CCSER1: variants seen among roughly 807,000 people sequenced by gnomAD.
CCSER1 encodes coiled-coil serine rich protein 1.
A neutral mutation model predicts 82.0 loss-of-function variants in CCSER1; 41 were observed. The ratio of observed to expected loss-of-function variants is 0.50; its 90% CI spans 0.39 to 0.65. The LOEUF is 0.65. Ranked by LOEUF, CCSER1 falls within the 30% of genes least tolerant of loss-of-function variation. The pLI is 0.00. For synonymous variants in CCSER1, 414 were observed against 383.9 expected (o/e 1.08, Z -0.92); for missense variants, 1,119 against 1,064.2 (o/e 1.05, Z -0.72).
At chr4:91,155,543 A>G (rs549598741) in intron 10 of CCSER1, among the ~76,000 whole-genome samples, 1 of 152,112 alleles carries the variant, frequency 6.6e-6, no homozygotes, top group South Asian at 2.1e-4. Context: ...GAAATAAAAT[A>G]CAATTTGGGA....
chr4:90,730,372 G>A (rs1744478796), intron 7 of CCSER1, among the ~76,000 whole-genome samples: 1 of 151,926 alleles, frequency 6.6e-6, no homozygotes, highest in Admixed American at 6.6e-5. Flanking sequence ...AGCCCATTAT[G>A]GTATATTTCT....
At chr4:90,846,055 T>G (rs1031484734) in intron 8 of CCSER1, among the ~76,000 whole-genome samples, 1 of 152,200 alleles carries the variant, frequency 6.6e-6, no homozygotes, top group Non-Finnish European at 1.5e-5. Context: ...AACACTGGAT[T>G]TATTCTATAA....
intron 8 of CCSER1, among the ~76,000 whole-genome samples, chr4:90,873,928 T>C (rs1359197113): frequency 1.3e-5 from 2 of 152,116 alleles, no homozygotes; most frequent in Non-Finnish European, 2.9e-5. Flanking sequence ...TTAATAACTG[T>C]CTTTAATTTT....
At chr4:90,545,942 A>C (rs569074095) in intron 5 of CCSER1, among the ~76,000 whole-genome samples, 5 of 152,260 alleles carry the variant, frequency 3.3e-5, no homozygotes, top group African/African-American at 1.2e-4. Context: ...CTGCAGCAAA[A>C]TTTAGACAGA....
chr4:90,238,239 T>C (rs935711577), intron 1 of CCSER1, among the ~76,000 whole-genome samples: 17 of 152,074 alleles, frequency 1.1e-4, no homozygotes, highest in African/African-American at 3.9e-4. Flanking sequence ...GAGGTAGGGG[T>C]ATGGTGATGT....
chr4:91,309,190 T>C (rs1745275438), intron 10 of CCSER1, among the ~76,000 whole-genome samples: 2 of 152,204 alleles, frequency 1.3e-5, no homozygotes, highest in Admixed American at 6.6e-5. Flanking sequence ...ATTCTAATTT[T>C]ACAACCACCT....
chr4:91,500,147 C>A (rs1474127244), intron 10 of CCSER1, among the ~76,000 whole-genome samples: 2 of 151,844 alleles, frequency 1.3e-5, no homozygotes, highest in African/African-American at 4.8e-5. Context: ...GTGTTGTAGG[C>A]GTTTTGGATT....
intron 1 of CCSER1, among the ~76,000 whole-genome samples, chr4:90,221,988 C>T (rs1021219238): frequency 1.3e-5 from 2 of 152,106 alleles, no homozygotes; most frequent in Non-Finnish European, 2.9e-5. Context: ...GTAATATTCT[C>T]AGAATGACTC....
chr4:90,263,541 C>T (rs774269251), intron 1 of CCSER1, among the ~76,000 whole-genome samples: 2 of 152,150 alleles, frequency 1.3e-5, no homozygotes, highest in Non-Finnish European at 2.9e-5. Flanking sequence ...AACCAGAGTA[C>T]TGCAGGCAAA....
chr4:90,462,105 G>GT (rs1386815019), intron 4 of CCSER1, among the ~76,000 whole-genome samples: 1 of 146,290 alleles, frequency 6.8e-6, no homozygotes, highest in African/African-American at 2.8e-5. Context: ...AAAAAACTTT[G>GT]TATAGGCACT....
intron 9 of CCSER1, chr4:91,017,171 A>G (rs1739503080): frequency 1.3e-5 from 2 of 152,174 alleles, no homozygotes; most frequent in South Asian, 4.1e-4. Context: ...AAACGAAGTA[A>G]GATCAGCTCT....
chr4:91,106,980 C>G (rs1253898186), intron 10 of CCSER1, among the ~76,000 whole-genome samples: 1 of 152,162 alleles, frequency 6.6e-6, no homozygotes, highest in Non-Finnish European at 1.5e-5. Flanking sequence ...TTTCATAAGA[C>G]TGTAATGGGG....
At chr4:91,231,829 T>A (rs1027899782) in intron 10 of CCSER1, among the ~76,000 whole-genome samples, 5 of 151,792 alleles carry the variant, frequency 3.3e-5, no homozygotes, top group Non-Finnish European at 7.4e-5. Flanking sequence ...GACTTCTAGT[T>A]CAATATACTT....
At chr4:90,216,050 T>C (rs543977887) in intron 1 of CCSER1, among the ~76,000 whole-genome samples, 1 of 152,310 alleles carries the variant, frequency 6.6e-6, no homozygotes, top group African/African-American at 2.4e-5. Context: ...TCTTTATCCC[T>C]GAAGAGATTT....
At chr4:90,911,148 G>C (rs1016137891) in intron 8 of CCSER1, 2 of 377,992 alleles carry the variant, frequency 5.3e-6, no homozygotes, top group Non-Finnish European at 1.0e-5. Context: ...GTTAAATCTG[G>C]GTAATGATTG....
intron 7 of CCSER1, among the ~76,000 whole-genome samples, chr4:90,732,452 A>G (rs545239047): frequency 6.6e-6 from 1 of 152,266 alleles, no homozygotes; most frequent in South Asian, 2.1e-4. Context: ...CTCAGCACCA[A>G]AGGATTTTAC....
At chr4:91,446,579 TTG>T (rs10607137) in intron 10 of CCSER1, among the ~76,000 whole-genome samples, 116,052 of 146,510 alleles carry the variant, frequency 0.79, 46,086 homozygotes, top group East Asian at 0.92. Context: ...TTTCTATTCT[TTG>T]TGTGTGTGTG....
intron 1 of CCSER1, among the ~76,000 whole-genome samples, chr4:90,154,861 T>C (rs1468237996): frequency 6.6e-6 from 1 of 151,928 alleles, no homozygotes; most frequent in Non-Finnish European, 1.5e-5. Flanking sequence ...CCTAACTGAA[T>C]ACCCTTTATT....
chr4:90,425,529 G>A (rs753425930), intron 4 of CCSER1, among the ~76,000 whole-genome samples: 9 of 152,066 alleles, frequency 5.9e-5, no homozygotes, highest in Admixed American at 1.3e-4. Flanking sequence ...CACAGTCTCC[G>A]CCATCAAAAA....
Sources: gnomAD v4.1 joint callset for allele counts (sites outside exome capture counted in the v4.1 genomes callset) on GRCh38, gnomAD v4.1.1 for gene constraint, MANE v1.5 for transcripts, NCBI Gene and HGNC (gene_info 2026-07-23, HGNC 2026-07-21) for gene names.